Variants in RABGEF1 observed in about 807,000 individuals in gnomAD.
RABGEF1 encodes the protein RAB guanine nucleotide exchange factor 1, also known as rab5 GDP/GTP exchange factor.
Under a neutral mutation model 57.3 loss-of-function variants are expected in RABGEF1, and 26 were observed. The ratio of observed to expected loss-of-function variants is 0.45; its 90% CI spans 0.33 to 0.63. The LOEUF (loss-of-function observed/expected upper bound fraction) is 0.63, where lower values mean the gene tolerates loss of function less well. RABGEF1 is among the 20% of genes least tolerant of loss of function. RABGEF1 has a pLI of 0.02. For synonymous variants in RABGEF1, 185 were observed against 210.7 expected, an observed-to-expected ratio of 0.88 and a Z score of 1.06; for missense variants, 464 against 607.6, an observed-to-expected ratio of 0.76 and a Z score of 2.48.
Position 66,702,047 on chromosome 7 carries a change from T to C in RABGEF1, c.-872-10120T>C, listed in dbSNP as rs556111494. Among the ~76,000 whole-genome samples the C allele has an allele frequency of 3.9e-5, 6 of 152,330 alleles. No homozygotes were observed. In the East Asian group the frequency reaches 9.6e-4, roughly 24 times the overall value. On this transcript the variant is annotated intron_variant and NMD_transcript_variant, in intron 1 of 9. Transcript: ENST00000607882. ...GCAGGGCATCCAATACCCATTAAGC[T>C]GTCACTCCCCAATCTCCCATTTTCC...
chr7:66,657,559 TGCCAACATCCCA>T, the RABGEF1 span, among the ~76,000 whole-genome samples: 3 of 152,232 alleles, frequency 2.0e-5, no homozygotes, highest in East Asian at 5.8e-4. Flanking sequence ...TGGTGGCTCA[TGCCAACATCCCA>T]GTATTTTGGG....
intron 1 of RABGEF1, among the ~76,000 whole-genome samples, chr7:66,711,685 C>T (rs958804551): frequency 6.6e-6 from 1 of 151,940 alleles, no homozygotes; most frequent in Non-Finnish European, 1.5e-5. Context: ...CTCCTGGGTT[C>T]AAGCCATTGT....
At chr7:66,779,979 A>G (rs1458022976) in intron 3 of RABGEF1, among the ~76,000 whole-genome samples, 1 of 152,190 alleles carries the variant, frequency 6.6e-6, no homozygotes, top group African/African-American at 2.4e-5. Flanking sequence ...CCAAGTGTTG[A>G]TTTTAGTAAC....
At chr7:66,775,881 T>C (rs1434588102) in intron 3 of RABGEF1, among the ~76,000 whole-genome samples, 6 of 152,178 alleles carry the variant, frequency 3.9e-5, no homozygotes, top group Admixed American at 6.5e-5. Flanking sequence ...AAGGCCCAAG[T>C]TGGGCTCTTG....
chr7:66,808,510 G>A (rs775527233), intron 8 of RABGEF1, among the ~76,000 whole-genome samples: 10 of 152,236 alleles, frequency 6.6e-5, no homozygotes, highest in Middle Eastern at 3.4e-3. Flanking sequence ...CACCGGGCCC[G>A]GTCTGGAGCT....
upstream of RABGEF1, chr7:66,740,715 G>A (rs1245403392): frequency 2.0e-5 from 3 of 152,658 alleles, no homozygotes; most frequent in Non-Finnish European, 2.9e-5. Context: ...TGTGAGGCGG[G>A]AGCTGGCCGC....
upstream of RABGEF1, among the ~76,000 whole-genome samples, chr7:66,681,960 G>A (rs923633595): frequency 1.3e-5 from 2 of 152,204 alleles, no homozygotes; most frequent in African/African-American, 4.8e-5. Flanking sequence ...TAGCGCGGAG[G>A]CTACCCTCTT....
intron 2 of RABGEF1, among the ~76,000 whole-genome samples, chr7:66,718,059 A>C (rs1049681065): frequency 1.1e-4 from 16 of 152,066 alleles, no homozygotes; most frequent in African/African-American, 3.9e-4. Context: ...CCCTTAGAAA[A>C]CTAGTTAAAT....
At chr7:66,670,370 A>G in the RABGEF1 span, among the ~76,000 whole-genome samples, 1 of 150,608 alleles carries the variant, frequency 6.6e-6, no homozygotes, top group South Asian at 2.1e-4. Context: ...TGGGTGACAT[A>G]GTACCTAGAA....
At chr7:66,666,052 A>G in the RABGEF1 span, 2 of 152,566 alleles carry the variant, frequency 1.3e-5, no homozygotes, top group East Asian at 1.9e-4. Flanking sequence ...GGAAGCAGCT[A>G]TTGAAGAGGG....
intron 1 of RABGEF1, among the ~76,000 whole-genome samples, chr7:66,683,510 G>A (rs1790109545): frequency 6.6e-6 from 1 of 152,160 alleles, no homozygotes; most frequent in Non-Finnish European, 1.5e-5. Context: ...GGACAGTCAA[G>A]ATACTTTCAG....
intron 1 of RABGEF1, among the ~76,000 whole-genome samples, chr7:66,687,060 A>T (rs1221581291): frequency 7.0e-6 from 1 of 143,396 alleles, no homozygotes; most frequent in African/African-American, 2.6e-5. Context: ...TGACCTCGTG[A>T]TCTGCCAGCC....
chr7:66,750,475 T>TGCA (rs986129184), intron 1 of RABGEF1, among the ~76,000 whole-genome samples: 20 of 152,196 alleles, frequency 1.3e-4, no homozygotes, highest in South Asian at 2.1e-4. Context: ...GGGAACAAAT[T>TGCA]GCAGACACAG....
intron 1 of RABGEF1, among the ~76,000 whole-genome samples, chr7:66,693,724 G>A (rs1348365612): frequency 2.0e-5 from 3 of 152,160 alleles, no homozygotes; most frequent in African/African-American, 7.2e-5. Context: ...GGAGGGTCCC[G>A]AGAGAGAGGA....
intron 2 of RABGEF1, among the ~76,000 whole-genome samples, chr7:66,723,079 C>T (rs1370507464): frequency 1.3e-5 from 2 of 152,130 alleles, no homozygotes; most frequent in South Asian, 4.1e-4. Flanking sequence ...AGCGATTCTC[C>T]TACCTCAGCC....
chr7:66,721,308 C>G (rs1796030817), intron 2 of RABGEF1, among the ~76,000 whole-genome samples: 1 of 152,214 alleles, frequency 6.6e-6, no homozygotes, highest in Non-Finnish European at 1.5e-5. Context: ...CTTACTGCTA[C>G]TCTAACATAT....
the RABGEF1 span, chr7:66,654,568 G>A: frequency 2.6e-5 from 4 of 152,794 alleles, no homozygotes; most frequent in South Asian, 2.1e-4. Flanking sequence ...ACGGAGACCA[G>A]ACCTACTGCA....
chr7:66,664,812 C>G, the RABGEF1 span, among the ~76,000 whole-genome samples: 2 of 152,208 alleles, frequency 1.3e-5, no homozygotes, highest in Admixed American at 6.5e-5. Flanking sequence ...ACCTCATCCC[C>G]GCTCTGTTCA....
At chr7:66,702,347 T>TG (rs1554306667) in intron 1 of RABGEF1, among the ~76,000 whole-genome samples, 5 of 143,982 alleles carry the variant, frequency 3.5e-5, no homozygotes, top group East Asian at 4.1e-4. Flanking sequence ...ATTGTTTTGT[T>TG]TGTGTGTGTG....
Sources: allele counts gnomAD v4.1 joint callset (sites outside exome capture counted in the v4.1 genomes callset), GRCh38; gene constraint gnomAD v4.1.1; transcripts MANE v1.5; gene names NCBI Gene and HGNC (gene_info 2026-07-23, HGNC 2026-07-21).